Variants in MSRA observed in about 807,000 individuals in gnomAD.
MSRA encodes the protein mitochondrial peptide methionine sulfoxide reductase.
In MSRA, 54 loss-of-function variants were observed where a neutral mutation model predicts 31.3. The observed-to-expected ratio is 1.73, with a 90% CI of 1.39 to 2.17. The LOEUF is 2.17. Ranked by LOEUF, MSRA falls within the 30% of genes most tolerant of loss-of-function variation. The probability of loss-of-function intolerance (pLI) is 0.00; values close to 1 mark genes in which losing one functional copy is unlikely to be tolerated. For synonymous variants in MSRA, 169 were observed against 116.5 expected, an observed-to-expected ratio of 1.45 and a Z score of -2.90; for missense variants, 507 against 300.9, an observed-to-expected ratio of 1.69 and a Z score of -5.07.
chr8:10,302,400 G>A (rs1254093876), intron 4 of MSRA, among the ~76,000 whole-genome samples: 4 of 152,200 alleles, frequency 2.6e-5, no homozygotes, highest in African/African-American at 7.2e-5. Context: ...CAATAGATGT[G>A]GTTTTTCACA....
At chr8:10,287,206 T>C (rs1363406468) in intron 3 of MSRA, among the ~76,000 whole-genome samples, 2 of 152,186 alleles carry the variant, frequency 1.3e-5, no homozygotes, top group South Asian at 2.1e-4. Flanking sequence ...AGCAATAATT[T>C]AGTAGTTACC....
At chr8:10,396,259 T>A (rs1185563070) in intron 5 of MSRA, among the ~76,000 whole-genome samples, 2 of 152,210 alleles carry the variant, frequency 1.3e-5, no homozygotes, top group Non-Finnish European at 2.9e-5. Flanking sequence ...CGTTCTCAGG[T>A]GCACTGTCTC....
intron 1 of MSRA, among the ~76,000 whole-genome samples, chr8:10,152,939 G>A (rs770084049): frequency 5.1e-4 from 78 of 152,288 alleles, no homozygotes; most frequent in Non-Finnish European, 9.0e-4. Context: ...CCACTGAGTC[G>A]AGGTTCCTAG....
At chr8:10,378,762 C>T (rs1193565961) in intron 5 of MSRA, among the ~76,000 whole-genome samples, 1 of 152,238 alleles carries the variant, frequency 6.6e-6, no homozygotes, top group Non-Finnish European at 1.5e-5. Context: ...GGCTCAGATA[C>T]CCTGGGGGTG....
chr8:10,130,510 AT>A (rs1461910726), intron 1 of MSRA, among the ~76,000 whole-genome samples: 3 of 152,066 alleles, frequency 2.0e-5, no homozygotes, highest in Non-Finnish European at 1.5e-5. Context: ...CTGCTTGGAT[AT>A]TTTCCCCTCC....
intron 5 of MSRA, among the ~76,000 whole-genome samples, chr8:10,387,426 G>C (rs1388467232): frequency 6.6e-6 from 1 of 152,218 alleles, no homozygotes; most frequent in Non-Finnish European, 1.5e-5. Context: ...GTGCACGGGA[G>C]CCATACAAAC....
chr8:10,184,256 T>C (rs1484280751), intron 1 of MSRA, among the ~76,000 whole-genome samples: 2 of 152,052 alleles, frequency 1.3e-5, no homozygotes, highest in Non-Finnish European at 1.5e-5. Context: ...TTGGTGTTGA[T>C]GGTAGTGAGC....
At chr8:10,400,221 G>A (rs1368760792) in intron 5 of MSRA, among the ~76,000 whole-genome samples, 1 of 152,122 alleles carries the variant, frequency 6.6e-6, no homozygotes, top group Non-Finnish European at 1.5e-5. Context: ...ATGGGATCGG[G>A]CTGGGGCAGG....
chr8:10,381,001 A>G (rs1390927203), intron 5 of MSRA, among the ~76,000 whole-genome samples: 2 of 151,896 alleles, frequency 1.3e-5, no homozygotes, highest in Non-Finnish European at 2.9e-5. Flanking sequence ...AGATGCATAG[A>G]TGGATGGGTT....
intron 1 of MSRA, among the ~76,000 whole-genome samples, chr8:10,131,612 T>C (rs922059126): frequency 6.6e-6 from 1 of 152,254 alleles, no homozygotes; most frequent in Non-Finnish European, 1.5e-5. Context: ...CACACATTGA[T>C]GGGCTACAGA....
intron 1 of MSRA, among the ~76,000 whole-genome samples, chr8:10,127,391 A>T (rs900604242): frequency 1.3e-5 from 2 of 152,208 alleles, no homozygotes; most frequent in African/African-American, 4.8e-5. Context: ...TAAACAAATG[A>T]ATACATGAAT....
chr8:10,251,460 C>T (rs574575476), intron 3 of MSRA, among the ~76,000 whole-genome samples: 3 of 152,134 alleles, frequency 2.0e-5, no homozygotes, highest in Non-Finnish European at 4.4e-5. Flanking sequence ...TATTGACATA[C>T]TCCTGAAAAT....
At chr8:10,086,554 T>A (rs538057214) in intron 1 of MSRA, among the ~76,000 whole-genome samples, 1 of 152,336 alleles carries the variant, frequency 6.6e-6, no homozygotes, top group Non-Finnish European at 1.5e-5. Flanking sequence ...GTTTCGGATG[T>A]CAGTTTCCTC....
intron 3 of MSRA, among the ~76,000 whole-genome samples, chr8:10,285,130 G>C (rs1286443259): frequency 6.6e-6 from 1 of 151,816 alleles, no homozygotes; most frequent in Non-Finnish European, 1.5e-5. Context: ...TCGTCGTGCA[G>C]TCATCACCAC....
chr8:10,333,638 A>T (rs1802838483), intron 5 of MSRA, among the ~76,000 whole-genome samples: 1 of 152,202 alleles, frequency 6.6e-6, no homozygotes, highest in Non-Finnish European at 1.5e-5. Context: ...GTGTATATGT[A>T]AAGTGTCTGT....
intron 1 of MSRA, among the ~76,000 whole-genome samples, chr8:10,055,474 T>A (rs1194328704): frequency 2.0e-5 from 3 of 152,222 alleles, no homozygotes; most frequent in Non-Finnish European, 4.4e-5. Context: ...AGTGCAGCGC[T>A]TCTCAGAGTG....
intron 1 of MSRA, among the ~76,000 whole-genome samples, chr8:10,088,327 T>C (rs1198697791): frequency 1.3e-5 from 2 of 152,148 alleles, no homozygotes; most frequent in Admixed American, 6.5e-5. Context: ...TAATTCCTCT[T>C]CTGGGAATAT....
chr8:10,312,829 C>T (rs6601430), intron 4 of MSRA, among the ~76,000 whole-genome samples: 58,149 of 152,002 alleles, frequency 0.38, 11,839 homozygotes, highest in East Asian at 0.66. Flanking sequence ...TTAAAAAGTA[C>T]TGAATACAAT....
chr8:10,153,245 C>A (rs552928507), intron 1 of MSRA, among the ~76,000 whole-genome samples: 10 of 152,080 alleles, frequency 6.6e-5, no homozygotes, highest in Admixed American at 6.5e-4. Flanking sequence ...CCTGGCTGGA[C>A]CGTTGTCTGG....
Sources: allele counts gnomAD v4.1 joint callset (sites outside exome capture counted in the v4.1 genomes callset), GRCh38; gene constraint gnomAD v4.1.1; transcripts MANE v1.5; gene names NCBI Gene and HGNC (gene_info 2026-07-23, HGNC 2026-07-21).